The following L3MBTL4 variants were observed in gnomAD, a reference collection of about 807,000 sequenced individuals.
The protein encoded by L3MBTL4 is L3MBTL histone methyl-lysine binding protein 4.
In L3MBTL4, 70 loss-of-function variants were observed where a neutral mutation model predicts 84.5. That is an observed-to-expected ratio of 0.83 (90% CI 0.68 to 1.01). L3MBTL4 has a LOEUF of 1.01. Ranked by LOEUF, L3MBTL4 falls within the 50% of genes least tolerant of loss-of-function variation. The pLI, the probability that L3MBTL4 is intolerant of heterozygous loss-of-function variation, is 0.00. For synonymous variants in L3MBTL4, 274 were observed against 259.8 expected (o/e 1.05, Z -0.52); for missense variants, 715 against 754.8 (o/e 0.95, Z 0.62).
In L3MBTL4 at chr18:6,324,458, C is replaced by A. The variant is rs572057073; in HGVS notation, c.-90-12402G>T. 7.0e-4 allele frequency among the ~76,000 whole-genome samples: 107 copies of A among 152,354 alleles called. 1 individual carries two copies. The highest frequency in any genetic ancestry group is 2.5e-3 in the African/African-American group (106 of 41,588). Reference sequence around the variant, plus strand: ...GAGCAGCCACAGGGGCTGAACCTTGCAAAGTCATAGGAGCTGAGGCTCCTG... The same window carrying A: ...GAGCAGCCACAGGGGCTGAACCTTGAAAAGTCATAGGAGCTGAGGCTCCTG... On this transcript the variant is annotated intron_variant, in intron 1 of 18. Coordinates refer to ENST00000317931, the MANE Select transcript of L3MBTL4 (RefSeq NM_001330559.2).
At chr18:6,369,271 A>G (rs1016178795) in intron 1 of L3MBTL4, among the ~76,000 whole-genome samples, 6 of 152,178 alleles carry the variant, frequency 3.9e-5, no homozygotes, top group African/African-American at 1.4e-4. Flanking sequence ...ATTCATCAAT[A>G]TGCTGTAAAT....
rs1599507613 is a variant in L3MBTL4 at position 6,291,592 on chromosome 18, A to G, written c.127+10311T>C. On this transcript the variant is annotated intron_variant, in intron 4 of 18. Coordinates refer to ENST00000317931, the MANE Select transcript of L3MBTL4 (RefSeq NM_001330559.2). ...CAACAAAATGCACCAAGAACATACAATGGGGAAAGGACATTCGCTTCAATA... is the reference window on the plus strand; with the variant it reads ...CAACAAAATGCACCAAGAACATACAGTGGGGAAAGGACATTCGCTTCAATA... 5.9e-5 allele frequency among the ~76,000 whole-genome samples: 9 copies of G among 152,288 alleles called. 2 individuals carry two copies. In the South Asian group the frequency reaches 1.9e-3, roughly 32 times the overall value.
intron 1 of L3MBTL4, among the ~76,000 whole-genome samples, chr18:6,393,751 CCA>C (rs2055154658): frequency 6.6e-6 from 1 of 152,196 alleles, no homozygotes; most frequent in South Asian, 2.1e-4. Context: ...ACATCATCTC[CCA>C]CCCAGATTGT....
intron 16 of L3MBTL4, among the ~76,000 whole-genome samples, chr18:6,056,528 A>T (rs762112960): frequency 6.6e-6 from 1 of 152,112 alleles, no homozygotes; most frequent in African/African-American, 2.4e-5. Context: ...AGTGTGCCTT[A>T]TTTTTAATGC....
rs890892049 is a variant in L3MBTL4 at position 6,284,259 on chromosome 18, C to T, written c.127+17644G>A. On this transcript the variant is annotated intron_variant, in intron 4 of 18. Transcript: ENST00000317931. ...ATACAAATACAGCTCCGTGCTTACACGCTGAAATAACAGCAATTTAGCAAA... is the reference window on the plus strand; with the variant it reads ...ATACAAATACAGCTCCGTGCTTACATGCTGAAATAACAGCAATTTAGCAAA... Among the ~76,000 whole-genome samples the T allele has an allele frequency of 3.9e-5, 6 of 152,332 alleles. 1 individual carries two copies. Among genetic ancestry groups the T allele is most frequent in the South Asian group, 4.1e-4 (2 of 4,834 alleles).
intron 1 of L3MBTL4, among the ~76,000 whole-genome samples, chr18:6,379,555 T>A (rs9957294): frequency 0.025 from 3,760 of 152,302 alleles, 183 homozygotes; most frequent in African/African-American, 0.085. Flanking sequence ...CAAGGCCTTT[T>A]CTGCATCTAT....
intron 16 of L3MBTL4, among the ~76,000 whole-genome samples, chr18:5,970,873 C>T (rs370769706): frequency 3.3e-5 from 5 of 152,230 alleles, no homozygotes; most frequent in South Asian, 4.1e-4. Context: ...TTCTAAACTA[C>T]GAGCGAGCTT....
intron 16 of L3MBTL4, among the ~76,000 whole-genome samples, chr18:6,055,391 G>GT (rs1357913739): frequency 6.6e-6 from 1 of 152,194 alleles, no homozygotes; most frequent in Non-Finnish European, 1.5e-5. Flanking sequence ...TGGGATAGAG[G>GT]TGTAGGGTTC....
intron 14 of L3MBTL4, among the ~76,000 whole-genome samples, chr18:6,099,156 C>T (rs367615329): frequency 2.0e-5 from 3 of 152,310 alleles, no homozygotes; most frequent in Non-Finnish European, 2.9e-5. Flanking sequence ...CTTCCCCACA[C>T]GCTGTTTCCC....
At chr18:6,030,876 A>G (rs1037950175) in intron 16 of L3MBTL4, 2 of 985,096 alleles carry the variant, frequency 2.0e-6, no homozygotes, top group Admixed American at 6.1e-5. Flanking sequence ...TGTAGGATAT[A>G]AACAACCAGG....
In L3MBTL4 at chr18:6,072,884, ATAT is replaced by A. The variant is rs2057727546; in HGVS notation, c.1444+7994_1444+7996del. Among the ~76,000 whole-genome samples, 33 of 19,716 alleles carry A rather than the reference ATAT, an allele frequency of 1.7e-3. 2 individuals are homozygous for A. The highest frequency in any genetic ancestry group is 3.0e-3 in the South Asian group (1 of 330). The allele number at this position is 19,716 out of a possible 152,430, so 12.9% of individuals were successfully genotyped here. On this transcript the variant is annotated intron_variant, in intron 16 of 18. Coordinates refer to ENST00000317931, the MANE Select transcript of L3MBTL4 (RefSeq NM_001330559.2). ...CCGTCTCAAAAAAAAAAAAAAAAAT[ATAT>A]ATATATATATATATATATATATATA...
intron 16 of L3MBTL4, among the ~76,000 whole-genome samples, chr18:5,987,150 G>A (rs1470183008): frequency 6.6e-6 from 1 of 152,214 alleles, no homozygotes; most frequent in African/African-American, 2.4e-5. Flanking sequence ...ATCAGTGCTT[G>A]TAGGAGGCTC....
At chr18:5,977,108 C>G (rs1156901636) in intron 16 of L3MBTL4, among the ~76,000 whole-genome samples, 1 of 152,164 alleles carries the variant, frequency 6.6e-6, no homozygotes, top group Non-Finnish European at 1.5e-5. Context: ...CAGTCCTGCT[C>G]CCTCATCCAG....
intron 4 of L3MBTL4, among the ~76,000 whole-genome samples, chr18:6,271,982 C>A (rs925643553): frequency 6.6e-6 from 1 of 152,160 alleles, no homozygotes; most frequent in Non-Finnish European, 1.5e-5. Context: ...GAAAGGAACA[C>A]CTGGAGAAGT....
At chr18:6,152,087 T>C (rs562134101) in intron 13 of L3MBTL4, among the ~76,000 whole-genome samples, 1 of 152,344 alleles carries the variant, frequency 6.6e-6, no homozygotes, top group East Asian at 1.9e-4. Flanking sequence ...TGAAAAATAT[T>C]CCATTGTATG....
intron 16 of L3MBTL4, among the ~76,000 whole-genome samples, chr18:6,069,538 G>A (rs553401322): frequency 1.2e-4 from 19 of 152,264 alleles, no homozygotes; most frequent in Admixed American, 1.2e-3. Context: ...CCAAGTGAGG[G>A]CAGGGTTAGG....
intron 12 of L3MBTL4, among the ~76,000 whole-genome samples, chr18:6,181,800 C>T (rs1599039622): frequency 6.6e-6 from 1 of 152,130 alleles, no homozygotes; most frequent in South Asian, 2.1e-4. Context: ...CTTAGGATAA[C>T]GGTCTCCAGC....
rs533262168 is a variant in L3MBTL4, at chr18:6,078,112, CAA to C, written c.1444+2767_1444+2768del. 5.8e-3 allele frequency among the ~76,000 whole-genome samples: 529 copies of C among 91,792 alleles called. 3 individuals are homozygous for C. The highest frequency in any genetic ancestry group is 0.019 in the African/African-American group (474 of 25,030). The allele number at this position is 91,792 out of a possible 152,430, so 60.2% of individuals were successfully genotyped here. Reference sequence around the variant, plus strand: ...CACTCATTCAAATCTATGCCCAGACCAAAAAAAAAAAAAAAAAGCTGGCAGGG... The same window carrying C: ...CACTCATTCAAATCTATGCCCAGACCAAAAAAAAAAAAAAAGCTGGCAGGG... On this transcript the variant is annotated intron_variant, in intron 16 of 18. Transcript: ENST00000317931.
At position 6,144,173 on chromosome 18, in the gene L3MBTL4, G is replaced by T. The variant is rs1470972147; in HGVS notation, c.1097-5877C>A. ...ATCACACCACTGCACTCCAGCCTGGGCGACAGAGTGAGACTCCATCTCCAA... is the reference window on the plus strand; with the variant it reads ...ATCACACCACTGCACTCCAGCCTGGTCGACAGAGTGAGACTCCATCTCCAA... On this transcript the variant is annotated intron_variant, in intron 13 of 18. Transcript: ENST00000317931. Among the ~76,000 whole-genome samples the T allele has an allele frequency of 3.0e-5, 4 of 135,314 alleles. No individual in the cohort carries two copies. In the East Asian group the frequency reaches 8.3e-4, roughly 28 times the overall value. 88.8% of individuals were successfully genotyped at this position (135,314 alleles called of 152,430 possible).
Sources: allele counts gnomAD v4.1 joint callset (sites outside exome capture counted in the v4.1 genomes callset), GRCh38; gene constraint gnomAD v4.1.1; transcripts MANE v1.5; gene names NCBI Gene and HGNC (gene_info 2026-07-23, HGNC 2026-07-21).